The following ROBO1 variants were observed in gnomAD, a reference collection of about 807,000 sequenced individuals.
ROBO1 encodes roundabout guidance receptor 1, also known as roundabout homolog 1.
In ROBO1, 149 loss-of-function variants were observed where a neutral mutation model predicts 195.9. That is an observed-to-expected ratio of 0.76 (90% CI 0.67 to 0.87). The LOEUF (loss-of-function observed/expected upper bound fraction) is 0.87, where lower values mean the gene tolerates loss of function less well. ROBO1 is among the 40% of genes least tolerant of loss of function. ROBO1 has a pLI of 0.00. For missense variants in ROBO1, 1,933 were observed against 2,068.3 expected, an observed-to-expected ratio of 0.93 and a Z score of 1.27; for synonymous variants, 816 against 733.2, an observed-to-expected ratio of 1.11 and a Z score of -1.82.
At chr3:78,892,372 C>T (rs571501543) in intron 4 of ROBO1, among the ~76,000 whole-genome samples, 4 of 152,210 alleles carry the variant, frequency 2.6e-5, no homozygotes, top group South Asian at 2.1e-4. Flanking sequence ...TGGGGACCTC[C>T]GGGTTAGAGC....
At chr3:78,711,132 G>C (rs2081676688) in intron 8 of ROBO1, among the ~76,000 whole-genome samples, 1 of 152,120 alleles carries the variant, frequency 6.6e-6, no homozygotes, top group South Asian at 2.1e-4. Context: ...TCAAACACAG[G>C]TCATAAGGCA....
chr3:79,030,143 G>A (rs967834980), intron 3 of ROBO1, among the ~76,000 whole-genome samples: 11 of 152,114 alleles, frequency 7.2e-5, no homozygotes, highest in Non-Finnish European at 1.0e-4. Flanking sequence ...AATGGAAACC[G>A]GCAATTGCTA....
At chr3:79,739,582 T>G (rs1364697965) in intron 1 of ROBO1, among the ~76,000 whole-genome samples, 7 of 152,038 alleles carry the variant, frequency 4.6e-5, no homozygotes, top group African/African-American at 1.7e-4. Flanking sequence ...AATTAGCAAA[T>G]GGAGGCTATT....
intron 26 of ROBO1, among the ~76,000 whole-genome samples, chr3:78,618,964 T>C (rs1471880507): frequency 6.6e-6 from 1 of 152,098 alleles, no homozygotes; most frequent in Non-Finnish European, 1.5e-5. Context: ...ATTTTGACTT[T>C]AGTAGGAAGC....
At chr3:78,981,845 G>T (rs898937631) in intron 3 of ROBO1, among the ~76,000 whole-genome samples, 2 of 149,268 alleles carry the variant, frequency 1.3e-5, no homozygotes, top group African/African-American at 5.0e-5. Flanking sequence ...CCACAGTGAG[G>T]GACTTTCCCT....
intron 4 of ROBO1, among the ~76,000 whole-genome samples, chr3:78,918,634 TA>T (rs1164180006): frequency 6.6e-6 from 1 of 152,134 alleles, no homozygotes; most frequent in Non-Finnish European, 1.5e-5. Context: ...CCAAAAATAA[TA>T]AAAGACTGGC....
intron 1 of ROBO1, among the ~76,000 whole-genome samples, chr3:79,654,790 A>T (rs1157849065): frequency 6.6e-6 from 1 of 151,580 alleles, no homozygotes; most frequent in Non-Finnish European, 1.5e-5. Flanking sequence ...TATCATTTTG[A>T]TTTAAATCCT....
At chr3:78,628,778 A>G (rs908619972) in intron 25 of ROBO1, among the ~76,000 whole-genome samples, 1 of 152,196 alleles carries the variant, frequency 6.6e-6, no homozygotes, top group African/African-American at 2.4e-5. Context: ...GAAATGTTTT[A>G]GTTATCTTTG....
At chr3:79,218,145 G>GTCA (rs979768576) in intron 2 of ROBO1, among the ~76,000 whole-genome samples, 1 of 151,926 alleles carries the variant, frequency 6.6e-6, no homozygotes, top group Non-Finnish European at 1.5e-5. Context: ...CCAAGTGAAT[G>GTCA]TAAACTGGCA....
At chr3:79,214,066 T>C (rs1329021500) in intron 2 of ROBO1, among the ~76,000 whole-genome samples, 3 of 151,968 alleles carry the variant, frequency 2.0e-5, no homozygotes, top group African/African-American at 7.2e-5. Context: ...CCTCAAGTGA[T>C]CCACCTGCCA....
At chr3:78,754,656 T>G (rs1316970785) in intron 4 of ROBO1, among the ~76,000 whole-genome samples, 9 of 152,162 alleles carry the variant, frequency 5.9e-5, no homozygotes, top group Non-Finnish European at 1.3e-4. Context: ...AAATGGTGGC[T>G]TGCATTGGCG....
At chr3:78,621,482 G>C (rs539362423) in intron 26 of ROBO1, among the ~76,000 whole-genome samples, 1 of 152,118 alleles carries the variant, frequency 6.6e-6, no homozygotes, top group Non-Finnish European at 1.5e-5. Context: ...GTAAAACAAG[G>C]GCTGGCTTTT....
At chr3:78,679,303 C>A (rs1312928127) in intron 10 of ROBO1, among the ~76,000 whole-genome samples, 45 of 150,774 alleles carry the variant, frequency 3.0e-4, no homozygotes, top group Middle Eastern at 6.9e-3. Context: ...CCTATTCAAC[C>A]TAGTGTTGGA....
At chr3:79,296,910 T>C (rs905508846) in intron 2 of ROBO1, among the ~76,000 whole-genome samples, 4 of 152,124 alleles carry the variant, frequency 2.6e-5, no homozygotes, top group African/African-American at 4.8e-5. Flanking sequence ...CTCTTTTTGG[T>C]ATATTTAATC....
At chr3:79,274,491 C>T (rs2030852348) in intron 2 of ROBO1, among the ~76,000 whole-genome samples, 1 of 152,012 alleles carries the variant, frequency 6.6e-6, no homozygotes, top group African/African-American at 2.4e-5. Flanking sequence ...CTACGGGATA[C>T]AGCAAAAGCT....
chr3:78,910,072 T>C (rs1256596782), intron 4 of ROBO1, among the ~76,000 whole-genome samples: 3 of 151,840 alleles, frequency 2.0e-5, no homozygotes, highest in African/African-American at 7.2e-5. Context: ...TATTAAAATA[T>C]TCCTGAATCT....
At chr3:79,713,090 T>C (rs1469810607) in intron 1 of ROBO1, among the ~76,000 whole-genome samples, 2 of 143,862 alleles carry the variant, frequency 1.4e-5, no homozygotes, top group Non-Finnish European at 1.5e-5. Flanking sequence ...CCCACTTGAG[T>C]ATTTTAAGAC....
At chr3:78,972,229 T>C (rs978975795) in intron 3 of ROBO1, among the ~76,000 whole-genome samples, 2 of 152,178 alleles carry the variant, frequency 1.3e-5, no homozygotes, top group Non-Finnish European at 2.9e-5. Flanking sequence ...AACAAAGGGC[T>C]TAGTTTGAGT....
intron 2 of ROBO1, among the ~76,000 whole-genome samples, chr3:79,387,680 G>C (rs1450034854): frequency 7.3e-6 from 1 of 137,578 alleles, no homozygotes; most frequent in Non-Finnish European, 1.6e-5. Flanking sequence ...AAACAAATAT[G>C]TAATAAGTAC....
Sources: allele counts gnomAD v4.1 joint callset (sites outside exome capture counted in the v4.1 genomes callset), GRCh38; gene constraint gnomAD v4.1.1; transcripts MANE v1.5; gene names NCBI Gene and HGNC (gene_info 2026-07-23, HGNC 2026-07-21).